The following CNTN4 variants were observed in gnomAD, a reference collection of about 807,000 sequenced individuals.
CNTN4 encodes contactin 4.
A neutral mutation model predicts 122.5 loss-of-function variants in CNTN4; 77 were observed. The ratio of observed to expected loss-of-function variants is 0.63; its 90% CI spans 0.52 to 0.76. CNTN4 has a LOEUF of 0.76. Ranked by LOEUF, CNTN4 falls within the 30% of genes least tolerant of loss-of-function variation. The pLI, the probability that CNTN4 is intolerant of heterozygous loss-of-function variation, is 0.00. For missense variants in CNTN4, 1,256 were observed against 1,259.1 expected (o/e 1.00, Z 0.04); for synonymous variants, 512 against 447.0 (o/e 1.15, Z -1.83).
At chr3:2,119,488 C>T (rs2033580777) in intron 2 of CNTN4, among the ~76,000 whole-genome samples, 1 of 152,188 alleles carries the variant, frequency 6.6e-6, no homozygotes, top group South Asian at 2.1e-4. Flanking sequence ...AGTGATGGAT[C>T]ATACCAAATA....
intron 6 of CNTN4, among the ~76,000 whole-genome samples, chr3:2,763,288 T>C (rs1047951054): frequency 6.6e-6 from 1 of 152,196 alleles, no homozygotes; most frequent in Non-Finnish European, 1.5e-5. Flanking sequence ...ATGTATGTCT[T>C]CATTTGAAAA....
chr3:2,714,745 A>T (rs139745915), intron 4 of CNTN4, among the ~76,000 whole-genome samples: 1 of 152,092 alleles, frequency 6.6e-6, no homozygotes, highest in East Asian at 1.9e-4. Context: ...ATGTATTTTT[A>T]TGTTATTTTG....
intron 13 of CNTN4, among the ~76,000 whole-genome samples, chr3:2,981,547 A>C (rs1305650267): frequency 6.6e-6 from 1 of 151,356 alleles, no homozygotes; most frequent in Non-Finnish European, 1.5e-5. Flanking sequence ...GACTGGATTT[A>C]GGTACTATAT....
chr3:2,516,551 A>T (rs2077044422), intron 3 of CNTN4, among the ~76,000 whole-genome samples: 1 of 152,074 alleles, frequency 6.6e-6, no homozygotes, highest in African/African-American at 2.4e-5. Context: ...GTTTTATTGT[A>T]TAGTTAAAAA....
intron 3 of CNTN4, among the ~76,000 whole-genome samples, chr3:2,499,530 TA>T (rs2076540674): frequency 1.3e-5 from 2 of 152,160 alleles, no homozygotes; most frequent in African/African-American, 4.8e-5. Flanking sequence ...GTTATTTTTT[TA>T]AAACTTGGGT....
intron 4 of CNTN4, among the ~76,000 whole-genome samples, chr3:2,662,282 C>T (rs2083934680): frequency 6.6e-6 from 1 of 152,116 alleles, no homozygotes; most frequent in South Asian, 2.1e-4. Flanking sequence ...AATTCAGAGG[C>T]TTAATTTACT....
intron 2 of CNTN4, among the ~76,000 whole-genome samples, chr3:2,146,559 G>A (rs905386623): frequency 2.0e-5 from 3 of 151,976 alleles, no homozygotes; most frequent in African/African-American, 7.3e-5. Context: ...GTGCTCACTT[G>A]ATATTTTACA....
At chr3:2,851,115 A>G (rs189627568) in intron 7 of CNTN4, among the ~76,000 whole-genome samples, 92 of 152,382 alleles carry the variant, frequency 6.0e-4, no homozygotes, top group African/African-American at 2.2e-3. Flanking sequence ...TGCCACTATT[A>G]CAGAGGGATA....
intron 3 of CNTN4, among the ~76,000 whole-genome samples, chr3:2,478,409 T>TTTG (rs1303418890): frequency 0.13 from 91 of 704 alleles, no homozygotes; most frequent in African/African-American, 0.15. Context: ...TATCTGTTTG[T>TTTG]TTTTTTTTTT....
intron 2 of CNTN4, among the ~76,000 whole-genome samples, chr3:2,221,658 TTATAAC>T (rs2149492214): frequency 6.6e-6 from 1 of 152,220 alleles, no homozygotes; most frequent in African/African-American, 2.4e-5. Context: ...GATATGGGAC[TTATAAC>T]TAGAATACAT....
chr3:2,497,525 T>C (rs1365570342), intron 3 of CNTN4, among the ~76,000 whole-genome samples: 2 of 152,202 alleles, frequency 1.3e-5, no homozygotes, highest in African/African-American at 4.8e-5. Context: ...TAGGGAGACC[T>C]AAGCGATCTT....
intron 23 of CNTN4, among the ~76,000 whole-genome samples, chr3:3,048,928 C>A (rs555565545): frequency 6.6e-6 from 1 of 152,230 alleles, no homozygotes; most frequent in East Asian, 1.9e-4. Context: ...TACTTTATGG[C>A]ATTAGAGCTA....
At chr3:2,903,381 T>C (rs545214310) in intron 12 of CNTN4, among the ~76,000 whole-genome samples, 30 of 152,356 alleles carry the variant, frequency 2.0e-4, no homozygotes, top group Non-Finnish European at 4.0e-4. Flanking sequence ...TTTGAACAGC[T>C]GACAGAATAA....
chr3:2,102,420 T>G (rs914080122), intron 2 of CNTN4, among the ~76,000 whole-genome samples: 2 of 152,154 alleles, frequency 1.3e-5, no homozygotes, highest in African/African-American at 4.8e-5. Flanking sequence ...AGAGCATGAG[T>G]CAACATGGGT....
At chr3:2,705,809 T>TATATATAATAAATATATATA (rs1415768951) in intron 4 of CNTN4, among the ~76,000 whole-genome samples, 2 of 104,088 alleles carry the variant, frequency 1.9e-5, no homozygotes, top group African/African-American at 8.4e-5. Flanking sequence ...TTATATATAA[T>TATATATAATAAATATATATA]ATATATAATA....
intron 2 of CNTN4, among the ~76,000 whole-genome samples, chr3:2,261,162 T>G (rs1376889054): frequency 2.0e-5 from 3 of 152,244 alleles, no homozygotes; most frequent in Non-Finnish European, 4.4e-5. Context: ...CTAATTTTTT[T>G]TTCCCACGTA....
rs903207664 is a variant in CNTN4, at chr3:2,709,848, T to A, written c.56-26367T>A. On this transcript the variant is annotated intron_variant, in intron 4 of 24. Coordinates refer to ENST00000418658, the MANE Select transcript of CNTN4 (RefSeq NM_175607.3). The surrounding 1 kb of genome is among the most constrained non-coding windows in gnomAD (Gnocchi z 5.0). ...AGAGCCCGGGAGTCCAGCAGTGAGC[T>A]GAGACTGCGCCACTGCACTCCAGCC... 2.0e-5 allele frequency among the ~76,000 whole-genome samples: 3 copies of A among 151,936 alleles called. No homozygotes were observed. Among genetic ancestry groups the A allele is most frequent in the Admixed American group, 1.3e-4 (2 of 15,252 alleles).
At chr3:2,850,578 T>C (rs990069878) in intron 7 of CNTN4, among the ~76,000 whole-genome samples, 2 of 152,176 alleles carry the variant, frequency 1.3e-5, no homozygotes. Flanking sequence ...TTCTGTGCCA[T>C]GTGAGACTTT....
chr3:2,653,385 T>C (rs968516494), intron 4 of CNTN4, among the ~76,000 whole-genome samples: 1 of 152,186 alleles, frequency 6.6e-6, no homozygotes, highest in South Asian at 2.1e-4. Context: ...GAGCTGTAGA[T>C]TGAGCTCTTT....
Sources: gnomAD v4.1 joint callset for allele counts (sites outside exome capture counted in the v4.1 genomes callset) on GRCh38, gnomAD v4.1.1 for gene constraint, Gnocchi (gnomAD v3.1) non-coding constraint, MANE v1.5 for transcripts, NCBI Gene and HGNC (gene_info 2026-07-23, HGNC 2026-07-21) for gene names.